Variants in LAMA3 observed in about 807,000 individuals in gnomAD.
LAMA3 encodes laminin subunit alpha-3.
LAMA3 carries 281 observed loss-of-function variants against 402.0 expected under a neutral mutation model. The observed-to-expected ratio is 0.70, with a 90% CI of 0.63 to 0.77. The LOEUF is 0.77. LAMA3 is among the 30% of genes least tolerant of loss of function. The pLI is 0.00. For synonymous variants in LAMA3, 1,431 were observed against 1,558.4 expected (o/e 0.92, Z 1.93); for missense variants, 3,840 against 4,215.5 (o/e 0.91, Z 2.47).
chr18:23,766,354 A>G (rs1205510455), intron 8 of LAMA3, among the ~76,000 whole-genome samples: 6 of 152,204 alleles, frequency 3.9e-5, no homozygotes, highest in African/African-American at 1.4e-4. Context: ...TCAAGAATAA[A>G]AGCAAAAAGA....
At chr18:23,870,024 G>A (rs977465858) in intron 37 of LAMA3, among the ~76,000 whole-genome samples, 4 of 151,750 alleles carry the variant, frequency 2.6e-5, no homozygotes, top group African/African-American at 9.7e-5. Context: ...AAAAAATTAG[G>A]TCAGGTGCAG....
rs1447442154 is a variant in LAMA3 at position 23,901,301 on chromosome 18, A to G, written c.6179A>G (p.Glu2060Gly). The G allele has an allele frequency of 6.2e-7, 1 of 1,614,146 alleles. No homozygotes were observed. Among genetic ancestry groups the G allele is most frequent in the Non-Finnish European group, 8.5e-7 (1 of 1,180,014 alleles). Reference sequence around the variant, plus strand: ...GCAAATGGCTTGAACCAAGAAAACGAGAGAGCTTTGGGAGCCATTCAGGTG... The same window carrying G: ...GCAAATGGCTTGAACCAAGAAAACGGGAGAGCTTTGGGAGCCATTCAGGTG... ...KQANGLNQEN[E>G]RALGAIQRQV... Residue 2060 changes from glutamate to glycine, a missense_variant, in exon 48 of 75, where the codon GAG (glutamate) becomes GGG (glycine). Glu to Gly is a moderately conservative substitution (Grantham distance 98). Coordinates refer to ENST00000313654, the MANE Select transcript of LAMA3 (RefSeq NM_198129.4).
At chr18:23,760,590 CAAAGATGA>C (rs776546796) in intron 7 of LAMA3, among the ~76,000 whole-genome samples, 27 of 151,836 alleles carry the variant, frequency 1.8e-4, no homozygotes, top group Non-Finnish European at 3.4e-4. Context: ...TTCATTGTGG[CAAAGATGA>C]AAATCCCAAA....
chr18:23,887,311 G>A lies in LAMA3; in HGVS notation c.5303+2458G>A, dbSNP rs189011346. On this transcript the variant is annotated intron_variant, in intron 41 of 74. Coordinates refer to ENST00000313654, the MANE Select transcript of LAMA3 (RefSeq NM_198129.4). The stretch of plus-strand genomic sequence containing the variant: ...AACCAGCGAGAAGGGAAGGATGTGG[G>A]GAGTGGGAAAGGATTCTAGGCTCTG... 9.9e-5 allele frequency among the ~76,000 whole-genome samples: 15 copies of A among 152,250 alleles called. No individual in the cohort carries two copies. The East Asian group carries it at 2.3e-3, about 24-fold the overall frequency.
At chr18:23,781,859 G>C (rs1263039611) in intron 11 of LAMA3, among the ~76,000 whole-genome samples, 2 of 152,200 alleles carry the variant, frequency 1.3e-5, no homozygotes, top group Non-Finnish European at 2.9e-5. Flanking sequence ...GCTGGAAACA[G>C]TCAGTATGCT....
intron 32 of LAMA3, among the ~76,000 whole-genome samples, chr18:23,856,107 T>A (rs1391425467): frequency 6.6e-6 from 1 of 152,220 alleles, no homozygotes; most frequent in African/African-American, 2.4e-5. Flanking sequence ...ATGAAGAAAC[T>A]TGGTTGTAAA....
At chr18:23,844,922 A>G (rs2063779707) in intron 29 of LAMA3, 87 bp from the exon 30 acceptor site, 4 of 800,344 alleles carry the variant, frequency 5.0e-6, no homozygotes, top group Middle Eastern at 3.1e-4. Flanking sequence ...GGATTTTTCG[A>G]GTAGGGGTGC....
At chr18:23,754,269 CCAAT>C in intron 6 of LAMA3, among the ~76,000 whole-genome samples, 1 of 152,296 alleles carries the variant, frequency 6.6e-6, no homozygotes, top group South Asian at 2.1e-4. Flanking sequence ...TGTTGTGCAA[CCAAT>C]CTCCAGAACT....
chr18:23,816,714 C>T (rs543434623), intron 18 of LAMA3, among the ~76,000 whole-genome samples: 1 of 152,254 alleles, frequency 6.6e-6, no homozygotes, highest in South Asian at 2.1e-4. Flanking sequence ...GAAGTACTTT[C>T]GCTTGAAAAT....
chr18:23,787,008 G>A (rs891639225), intron 12 of LAMA3, among the ~76,000 whole-genome samples: 3 of 152,216 alleles, frequency 2.0e-5, no homozygotes, highest in Admixed American at 6.5e-5. Flanking sequence ...CAGGCCGGGG[G>A]CAGTGGCTCA....
intron 52 of LAMA3, 132 bp from the exon 53 acceptor site, chr18:23,907,418 T>A: frequency 1.3e-6 from 1 of 762,104 alleles, no homozygotes; most frequent in Non-Finnish European, 2.4e-6. Context: ...GCAGTGGGCA[T>A]CTCTGAGGTG....
intron 1 of LAMA3, among the ~76,000 whole-genome samples, chr18:23,701,982 A>T (rs1305208134): frequency 1.3e-5 from 2 of 152,144 alleles, no homozygotes; most frequent in African/African-American, 4.8e-5. Context: ...CCTGATCGGA[A>T]TGATCTAGAA....
At chr18:23,881,837 G>A in intron 39 of LAMA3, 99 bp from the exon 40 acceptor site, 1 of 768,538 alleles carries the variant, frequency 1.3e-6, no homozygotes, top group Non-Finnish European at 2.3e-6. Context: ...CAAAGTCAGA[G>A]GACTTGAGTT....
chr18:23,843,637 G>T (rs953194942), intron 29 of LAMA3, among the ~76,000 whole-genome samples: 14 of 152,130 alleles, frequency 9.2e-5, no homozygotes, highest in Admixed American at 1.3e-4. Context: ...TGGCTGGAGG[G>T]ATTAGAGCAT....
intron 2 of LAMA3, among the ~76,000 whole-genome samples, chr18:23,731,954 T>C (rs1484790918): frequency 6.6e-6 from 1 of 152,040 alleles, no homozygotes; most frequent in Non-Finnish European, 1.5e-5. Context: ...GCTAATGGCT[T>C]TAGGAGAGGT....
intron 41 of LAMA3, among the ~76,000 whole-genome samples, chr18:23,885,576 A>C (rs967584971): frequency 1.1e-4 from 16 of 152,212 alleles, no homozygotes; most frequent in African/African-American, 3.9e-4. Flanking sequence ...AATTTTCATG[A>C]TTAGCCACTA....
intron 60 of LAMA3, among the ~76,000 whole-genome samples, chr18:23,920,399 G>T (rs543399794): frequency 1.9e-4 from 29 of 152,294 alleles, no homozygotes; most frequent in African/African-American, 5.1e-4. Context: ...GGAGCTACAG[G>T]AGAGCCTGTG....
chr18:23,830,014 T>C (rs886247166), intron 23 of LAMA3, among the ~76,000 whole-genome samples: 2 of 152,224 alleles, frequency 1.3e-5, no homozygotes, highest in African/African-American at 4.8e-5. Flanking sequence ...GGCACATGTT[T>C]TATTCTCTTA....
intron 18 of LAMA3, among the ~76,000 whole-genome samples, chr18:23,819,486 A>G (rs530878910): frequency 2.6e-4 from 39 of 152,342 alleles, no homozygotes; most frequent in Non-Finnish European, 5.3e-4. Context: ...GTGAATGAAT[A>G]TATAAATGAA....
Sources: allele counts gnomAD v4.1 joint callset (sites outside exome capture counted in the v4.1 genomes callset), GRCh38; gene constraint gnomAD v4.1.1; transcripts MANE v1.5; gene names NCBI Gene and HGNC (gene_info 2026-07-23, HGNC 2026-07-21).